Variants in STAR observed in about 807,000 individuals in gnomAD.
STAR encodes steroidogenic acute regulatory protein.
STAR carries 32 observed loss-of-function variants against 32.3 expected under a neutral mutation model. The observed-to-expected ratio is 0.99, with a 90% CI of 0.75 to 1.33. STAR has a LOEUF of 1.33. Ranked by LOEUF, STAR falls within the 40% of genes most tolerant of loss-of-function variation. The pLI is 0.00. For missense variants in STAR, 375 were observed against 379.0 expected (o/e 0.99, Z 0.09); for synonymous variants, 134 against 140.5 (o/e 0.95, Z 0.33).
In STAR at chr8:38,144,131, A is replaced by G. The variant is rs1802517243; in HGVS notation, c.*142T>C. 1 of 834,928 alleles carries G rather than the reference A, an allele frequency of 1.2e-6. No individual in the cohort carries two copies. Among genetic ancestry groups the G allele is most frequent in the African/African-American group, 1.7e-5 (1 of 59,484 alleles). The allele number at this position is 834,928 out of a possible 1,614,324, so 51.7% of individuals were successfully genotyped here. A position where few individuals can be genotyped will look rare whatever the true frequency, so the allele number is the denominator to read the frequency against. On this transcript the variant is annotated 3_prime_UTR_variant, in exon 7 of 7. Transcript: ENST00000276449. ...AAAAACTTTCACCAATCTGAATCCT[A>G]GTGTCATACTCTAAACACGAACCCC... is the stretch of plus-strand genomic sequence containing the variant.
At chr8:38,147,486 G>A (rs1034026288) in intron 3 of STAR, among the ~76,000 whole-genome samples, 1 of 152,148 alleles carries the variant, frequency 6.6e-6, no homozygotes, top group Non-Finnish European at 1.5e-5. Flanking sequence ...GAAGAATGTG[G>A]GGCCAGAGAA....
At chr8:38,148,562 C>T (rs1802615832) in intron 2 of STAR, 79 bp downstream of exon 2, 1 of 1,454,666 alleles carries the variant, frequency 6.9e-7, no homozygotes, top group Non-Finnish European at 9.6e-7. Context: ...AGGAGGGGAG[C>T]CAAAGCCACA....
At chr8:38,147,445 T>C (rs1380716004) in intron 3 of STAR, among the ~76,000 whole-genome samples, 2 of 152,300 alleles carry the variant, frequency 1.3e-5, no homozygotes, top group Non-Finnish European at 2.9e-5. Flanking sequence ...TCTTCAAGAT[T>C]TGTTTTAGTT....
intron 1 of STAR, 168 bp from the exon 2 acceptor site, chr8:38,148,922 A>G (rs1742984756): frequency 1.6e-6 from 1 of 636,140 alleles, no homozygotes; most frequent in Admixed American, 2.4e-5. Flanking sequence ...CAGGCCCTCA[A>G]CTCCCATGGC....
chr8:38,146,648 G>A (rs984022687), intron 3 of STAR, among the ~76,000 whole-genome samples: 13 of 152,004 alleles, frequency 8.6e-5, no homozygotes, highest in Non-Finnish European at 1.8e-4. Flanking sequence ...GGTGGCAGGC[G>A]CCTGTAATCC....
At position 38,145,292 on chromosome 8, in the gene STAR, A is replaced by G. The variant is rs1446362214; in HGVS notation, c.674T>C (p.Met225Thr). ...ACTTCCAGCCAACGGGTGAAGCACC[A>G]TGCAAGTGGGACCGTGCTCCGCCCT... ...VIRAEHGPTC[M>T]VLHPLAGSPS... The change falls in exon 6 of 7, where the codon ATG (methionine) becomes ACG (threonine). Residue 225 changes from methionine to threonine, a missense_variant. Transcript: ENST00000276449. The G allele has an allele frequency of 5.6e-6, 9 of 1,614,094 alleles. No homozygotes were observed. In the Admixed American group the frequency reaches 1.5e-4, roughly 27 times the overall value.
At chr8:38,150,708 G>T (rs754471061) in intron 1 of STAR, 47 bp downstream of exon 1, 2 of 1,603,048 alleles carry the variant, frequency 1.2e-6, no homozygotes, top group Admixed American at 1.7e-5. Flanking sequence ...AGCCTCATCC[G>T]CTGAGAGCTG....
chr8:38,148,653 T>TCCG lies in STAR; in HGVS notation c.163_165dup (p.Arg55dup), dbSNP rs1802617688. 1 of 1,614,030 alleles carries TCCG rather than the reference T, an allele frequency of 6.2e-7. No individual in the cohort carries two copies. On this transcript the variant is annotated inframe_insertion, in exon 2 of 7. Transcript: ENST00000276449. ...CCTCAGCACTTACCGAGTAGAGAGC[T>TCCG]CCGCCGCCGAACCTGGTTAATCCAC...
At chr8:38,148,833 C>CATT (rs1802623069) in intron 1 of STAR, 79 bp from the exon 2 acceptor site, 1 of 1,204,332 alleles carries the variant, frequency 8.3e-7, no homozygotes. Flanking sequence ...CATCTTGTCT[C>CATT]AAATGAGTAA....
chr8:38,147,297 A>G (rs1802591585), intron 3 of STAR, among the ~76,000 whole-genome samples: 1 of 152,122 alleles, frequency 6.6e-6, no homozygotes, highest in African/African-American at 2.4e-5. Flanking sequence ...CTTGGTGGTG[A>G]ATGATGGTGG....
intron 3 of STAR, among the ~76,000 whole-genome samples, chr8:38,147,685 CAG>C (rs1161530842): frequency 6.6e-6 from 1 of 152,252 alleles, no homozygotes; most frequent in African/African-American, 2.4e-5. Context: ...ATCTCCATAA[CAG>C]AGCCACCAGC....
chr8:38,144,148 A>T lies in STAR; in HGVS notation c.*125T>A. ...TGAATCCTAGTGTCATACTCTAAAC[A>T]CGAACCCCACCCATCCCACTGTCAC... is the stretch of plus-strand genomic sequence containing the variant. On this transcript the variant is annotated 3_prime_UTR_variant, in exon 7 of 7. Coordinates refer to ENST00000276449, the MANE Select transcript of STAR (RefSeq NM_000349.3). 1 of 1,015,744 alleles carries T rather than the reference A, an allele frequency of 9.8e-7. No individual in the cohort carries two copies. Among genetic ancestry groups the T allele is most frequent in the Non-Finnish European group, 1.5e-6 (1 of 673,498 alleles). The allele number at this position is 1,015,744 out of a possible 1,614,324, so 62.9% of individuals were successfully genotyped here. A position where few individuals can be genotyped will look rare whatever the true frequency, so the allele number is the denominator to read the frequency against.
chr8:38,148,293 C>T lies in STAR; in HGVS notation c.213G>A (p.Gln71=). Residue 71 remains glutamine (Q), a synonymous_variant, in exon 3 of 7, where the codon CAG becomes CAA. Transcript: ENST00000276449. Reference sequence around the variant, plus strand: ...CCCCCTGCTGGAGATAGGCCAGCTCCTGGTCACTGTAGAGAGTCTCTTCCA... The same window carrying T: ...CCCCCTGCTGGAGATAGGCCAGCTCTTGGTCACTGTAGAGAGTCTCTTCCA... ...SRLEETLYSD[Q]ELAYLQQGEE... 6.2e-7 allele frequency: 1 copy of T among 1,614,140 alleles called. No homozygotes were observed. The highest frequency in any genetic ancestry group is 8.5e-7 in the Non-Finnish European group (1 of 1,180,010).
chr8:38,145,390 T>C, intron 5 of STAR, 75 bp from the exon 6 acceptor site: 1 of 1,592,236 alleles, frequency 6.3e-7, no homozygotes. Flanking sequence ...ACCAGTACCA[T>C]AGATAACACG....
At chr8:38,144,700 A>G (rs1484020582) in intron 6 of STAR, 2 of 1,140,632 alleles carry the variant, frequency 1.8e-6, no homozygotes, top group Non-Finnish European at 2.2e-6. Context: ...TGATAACTAC[A>G]TATAAGAGTT....
chr8:38,148,876 A>G, intron 1 of STAR, 122 bp from the exon 2 acceptor site: 1 of 771,864 alleles, frequency 1.3e-6, no homozygotes, highest in Non-Finnish European at 2.2e-6. Flanking sequence ...CTTGCTCAGG[A>G]GCACACAGGA....
rs1802545947 is a variant in STAR, at chr8:38,145,214, C to G, written c.744+8G>C. The G allele has an allele frequency of 6.2e-7, 1 of 1,614,090 alleles. No homozygotes were observed. The highest frequency in any genetic ancestry group is 2.2e-5 in the East Asian group (1 of 44,880). On this transcript the variant is annotated splice_region_variant and intron_variant, in intron 6 of 6. Transcript: ENST00000276449. ...CTGCCTTCCAGGTCCCCCTCCCATGCCCTTCACCTTGAGGTCGATGCTGAG... is the reference window on the plus strand; with the variant it reads ...CTGCCTTCCAGGTCCCCCTCCCATGGCCTTCACCTTGAGGTCGATGCTGAG...
chr8:38,145,815 G>T, intron 5 of STAR, 148 bp downstream of exon 5: 2 of 982,824 alleles, frequency 2.0e-6, no homozygotes, highest in Non-Finnish European at 3.1e-6. Flanking sequence ...TCCCTCCTTT[G>T]GTAAATAAGT....
Position 38,144,321 on chromosome 8 carries a change from G to A in STAR, c.810C>T (p.His270=), listed in dbSNP as rs935615066. Residue 270 remains histidine, a synonymous_variant, in exon 7 of 7, where the codon CAC becomes CAT. Coordinates refer to ENST00000276449, the MANE Select transcript of STAR (RefSeq NM_000349.3). The part of the protein sequence containing the change: ...LSQTQVDFAN[H]LRKRLESHPA... Reference sequence around the variant, plus strand: ...GGTGGGACTCCAGGCGCTTGCGCAGGTGGTTGGCAAAATCCACCTGGGTCT... The same window carrying A: ...GGTGGGACTCCAGGCGCTTGCGCAGATGGTTGGCAAAATCCACCTGGGTCT... 1.9e-6 allele frequency: 3 copies of A among 1,610,264 alleles called. No individual in the cohort carries two copies. The highest frequency in any genetic ancestry group is 1.7e-5 in the Admixed American group (1 of 59,546).
Sources: allele counts gnomAD v4.1 joint callset (sites outside exome capture counted in the v4.1 genomes callset), GRCh38; gene constraint gnomAD v4.1.1; transcripts MANE v1.5; gene names NCBI Gene and HGNC (gene_info 2026-07-23, HGNC 2026-07-21).